The following MCAM variants were observed in gnomAD, a reference collection of about 807,000 sequenced individuals.
MCAM encodes cell surface glycoprotein MUC18.
In MCAM, 55 loss-of-function variants were observed where a neutral mutation model predicts 79.1. The observed-to-expected ratio is 0.70, with a 90% CI of 0.56 to 0.87. The LOEUF is 0.87. MCAM is among the 40% of genes least tolerant of loss of function. MCAM has a pLI of 0.00. For synonymous variants in MCAM, 330 were observed against 339.8 expected (o/e 0.97, Z 0.32); for missense variants, 745 against 839.8 (o/e 0.89, Z 1.40).
rs1393875190 is a variant in MCAM, at chr11:119,310,470, G to A, written c.1794-4C>T. ...CTTACGAGACGGGGGTAGCGTGCTG[G>A]GAGGAGGGAGGGAGGTGAGAGGTTG... On this transcript the variant is annotated splice_region_variant and splice_polypyrimidine_tract_variant and intron_variant, in intron 14 of 15. Transcript: ENST00000264036. 7.6e-6 allele frequency: 12 copies of A among 1,571,656 alleles called. No homozygotes were observed. Among genetic ancestry groups the A allele is most frequent in the Non-Finnish European group, 1.1e-5 (12 of 1,141,558 alleles).
chr11:119,310,901 T>C lies in MCAM; in HGVS notation c.1648A>G (p.Arg550Gly). The change falls in exon 14 of 16, where the codon AGA (arginine) becomes GGA (glycine). Residue 550 changes from arginine (R) to glycine (G), a missense_variant and splice_region_variant. Transcript: ENST00000264036. ...HTRANSTSTE[R>G]KLPEPESRGV... ...CGGCTCTCCGGCTCCGGCAGCTTTC[T>C]CTCTGCGCCACAAAGACACTCCTCG... 1.2e-6 allele frequency: 2 copies of C among 1,614,116 alleles called. No individual in the cohort carries two copies. Among genetic ancestry groups the C allele is most frequent in the Non-Finnish European group, 1.7e-6 (2 of 1,180,016 alleles).
Position 119,316,780 on chromosome 11 carries a change from C to A in MCAM, c.67+255G>T. 2.0e-6 allele frequency: 1 copy of A among 497,922 alleles called. No homozygotes were observed. Among genetic ancestry groups the A allele is most frequent in the African/African-American group, 2.1e-5 (1 of 48,238 alleles). 30.8% of individuals were successfully genotyped at this position (497,922 alleles called of 1,614,324 possible). ...CAGCACCCCGAAAGGCTGAGCTCCACCCCTTCTCGTTCCCAGAAGCAGCCT... is the reference window on the plus strand; with the variant it reads ...CAGCACCCCGAAAGGCTGAGCTCCAACCCTTCTCGTTCCCAGAAGCAGCCT... On this transcript the variant is annotated intron_variant, in intron 1 of 15. Coordinates refer to ENST00000264036, the MANE Select transcript of MCAM (RefSeq NM_006500.3). The surrounding 1 kb of genome is among the most constrained non-coding windows in gnomAD (Gnocchi z 4.8).
chr11:119,309,647 G>A lies in MCAM; in HGVS notation c.*239C>T. 1 of 546,906 alleles carries A rather than the reference G, an allele frequency of 1.8e-6. No homozygotes were observed. The highest frequency in any genetic ancestry group is 2.5e-5 in the South Asian group (1 of 40,178). The allele number at this position is 546,906 out of a possible 1,614,324, so 33.9% of individuals were successfully genotyped here. A position where few individuals can be genotyped will look rare whatever the true frequency, so the allele number is the denominator to read the frequency against. On this transcript the variant is annotated 3_prime_UTR_variant, in exon 16 of 16. Transcript: ENST00000264036. ...CCCGCTCGGGAGACTGGGGCTCCTT[G>A]CTTGGGATGAGCTTCACTCAACGTG...
chr11:119,317,076 G>A lies in MCAM; in HGVS notation c.26C>T (p.Ala9Val). The A allele has an allele frequency of 6.5e-7, 1 of 1,534,508 alleles. No homozygotes were observed. The highest frequency in any genetic ancestry group is 2.5e-5 in the East Asian group (1 of 40,130). Reference sequence around the variant, plus strand: ...GCAGCAGCAGGCGGCGAGCAAGAAGGCGCAGACCAGCCTGGGAAGCCCCAT... The same window carrying A: ...GCAGCAGCAGGCGGCGAGCAAGAAGACGCAGACCAGCCTGGGAAGCCCCAT... MGLPRLVC[A>V]FLLAACCCCP... Residue 9 changes from alanine to valine, a missense_variant, in exon 1 of 16, where the codon GCC (alanine) becomes GTC (valine). By Grantham distance (64) the Ala-to-Val change is moderately conservative (BLOSUM62 0). Coordinates refer to ENST00000264036, the MANE Select transcript of MCAM (RefSeq NM_006500.3). The surrounding 1 kb of genome is among the most constrained non-coding windows in gnomAD (Gnocchi z 6.2).
rs377133422 is a variant in MCAM at position 119,309,890 on chromosome 11, T to C, written c.1937A>G (p.His646Arg). ...DQGEKYIDLR[H>R] Reference sequence around the variant, plus strand: ...GGGAGCTGAAGTGATTCGGGGCTAATGCCTCAGATCGATGTATTTCTCTCC... The same window carrying C: ...GGGAGCTGAAGTGATTCGGGGCTAACGCCTCAGATCGATGTATTTCTCTCC... Residue 646 changes from histidine (H) to arginine (R), a missense_variant, in exon 16 of 16, where the codon CAT becomes CGT. Coordinates refer to ENST00000264036, the MANE Select transcript of MCAM (RefSeq NM_006500.3). 6 of 1,601,100 alleles carry C rather than the reference T, an allele frequency of 3.7e-6. No homozygotes were observed. The East Asian group carries it at 1.3e-4, about 36-fold the overall frequency.
In MCAM at chr11:119,315,482, A is replaced by T; in HGVS notation, c.68-219T>A. 1 of 583,764 alleles carries T rather than the reference A, an allele frequency of 1.7e-6. No homozygotes were observed. The highest frequency in any genetic ancestry group is 4.6e-4 in the Middle Eastern group (1 of 2,152). 36.2% of individuals were successfully genotyped at this position (583,764 alleles called of 1,614,324 possible). A position where few individuals can be genotyped will look rare whatever the true frequency, so the allele number is the denominator to read the frequency against. ...GGTCCTTGGAGCCAAGCAGAGATTGAGCAGAGACTGAGCACCGAACAGCTC... is the reference window on the plus strand; with the variant it reads ...GGTCCTTGGAGCCAAGCAGAGATTGTGCAGAGACTGAGCACCGAACAGCTC... On this transcript the variant is annotated intron_variant, in intron 1 of 15. Transcript: ENST00000264036. The surrounding 1 kb of genome is among the most constrained non-coding windows in gnomAD (Gnocchi z 4.4).
chr11:119,315,380 C>T lies in MCAM; in HGVS notation c.68-117G>A. 3 of 1,332,494 alleles carry T rather than the reference C, an allele frequency of 2.3e-6. No homozygotes were observed. The highest frequency in any genetic ancestry group is 3.1e-6 in the Non-Finnish European group (3 of 983,358). The allele number at this position is 1,332,494 out of a possible 1,614,324, so 82.5% of individuals were successfully genotyped here. ...CCACTCAGAGGGTCTGCAGAGGGCC[C>T]TGTCCTCTGAACGCTCTACCCCCAC... On this transcript the variant is annotated intron_variant, in intron 1 of 15. Coordinates refer to ENST00000264036, the MANE Select transcript of MCAM (RefSeq NM_006500.3). This position sits in a 1 kb window ranked among gnomAD's most constrained non-coding sequence, Gnocchi z 4.4.
chr11:119,315,153 C>A lies in MCAM; in HGVS notation c.178G>T (p.Val60Phe). The change falls in exon 2 of 16, where the codon GTC becomes TTC. Residue 60 changes from valine to phenylalanine, a missense_variant. Transcript: ENST00000264036. The surrounding 1 kb of genome is among the most constrained non-coding windows in gnomAD (Gnocchi z 4.4). ...CAAGCACTCACAGAAAACCAGTCGA[C>A]ATGGCTGAGGTTGCCTTGGGACTGG... ...LSQSQGNLSH[V>F]DWFSVHKEKR... 6.2e-7 allele frequency: 1 copy of A among 1,613,580 alleles called. No individual in the cohort carries two copies. The highest frequency in any genetic ancestry group is 8.5e-7 in the Non-Finnish European group (1 of 1,179,994).
intron 5 of MCAM, chr11:119,313,170 G>A (rs1273038561): frequency 6.6e-7 from 1 of 1,509,992 alleles, no homozygotes; most frequent in Admixed American, 2.0e-5. Flanking sequence ...CCAAGGATGT[G>A]TGCAAAGAAT....
At chr11:119,310,532 G>A in intron 14 of MCAM, 66 bp from the exon 15 acceptor site, 1 of 1,171,918 alleles carries the variant, frequency 8.5e-7, no homozygotes, top group Non-Finnish European at 1.3e-6. Context: ...GGCCCGCTGT[G>A]AAGGATGTGG....
In MCAM at chr11:119,311,554, G is replaced by C. The variant is rs1463293921; in HGVS notation, c.1383C>G (p.Thr461=). 7 of 1,613,996 alleles carry C rather than the reference G, an allele frequency of 4.3e-6. No homozygotes were observed. The highest frequency in any genetic ancestry group is 5.9e-6 in the Non-Finnish European group (7 of 1,180,026). Reference sequence around the variant, plus strand: ...CCGTGCCGTTGACGTTCCAGGAGATGGTGGGCCGGGGGTGCCCTGACGCTT... The same window carrying C: ...CCGTGCCGTTGACGTTCCAGGAGATCGTGGGCCGGGGGTGCCCTGACGCTT... ...SCEASGHPRP[T]ISWNVNGTAS... Residue 461 remains threonine, a synonymous_variant, in exon 11 of 16, where the codon ACC becomes ACG. Coordinates refer to ENST00000264036, the MANE Select transcript of MCAM (RefSeq NM_006500.3). This position sits in a 1 kb window ranked among gnomAD's most constrained non-coding sequence, Gnocchi z 4.4.
chr11:119,315,095 A>T lies in MCAM; in HGVS notation c.192+44T>A. 6.2e-7 allele frequency: 1 copy of T among 1,612,074 alleles called. No individual in the cohort carries two copies. The highest frequency in any genetic ancestry group is 1.1e-5 in the South Asian group (1 of 91,080). ...GGGTCCTGGGCTACAAGAGGGGCAG[A>T]GTCTCCCTCCCCGGGCTGCTCTTGC... On this transcript the variant is annotated intron_variant, in intron 2 of 15. Coordinates refer to ENST00000264036, the MANE Select transcript of MCAM (RefSeq NM_006500.3). This position sits in a 1 kb window ranked among gnomAD's most constrained non-coding sequence, Gnocchi z 4.4.
In MCAM at chr11:119,312,028, C is replaced by G. The variant is rs750173651; in HGVS notation, c.1143+24G>C. On this transcript the variant is annotated intron_variant, in intron 9 of 15. Coordinates refer to ENST00000264036, the MANE Select transcript of MCAM (RefSeq NM_006500.3). The surrounding 1 kb of genome is among the most constrained non-coding windows in gnomAD (Gnocchi z 4.9). Reference sequence around the variant, plus strand: ...CCAGCCCCACCCACCCCATCAGCCCCTTGCCCCAGACCCGCCTGGGTACCT... The same window carrying G: ...CCAGCCCCACCCACCCCATCAGCCCGTTGCCCCAGACCCGCCTGGGTACCT... 6.2e-7 allele frequency: 1 copy of G among 1,607,724 alleles called. No homozygotes were observed. The highest frequency in any genetic ancestry group is 8.5e-7 in the Non-Finnish European group (1 of 1,176,604).
chr11:119,309,760 AG>A lies in MCAM; in HGVS notation c.*125del. The A allele has an allele frequency of 2.0e-6, 2 of 998,978 alleles. No individual in the cohort carries two copies. Among genetic ancestry groups the A allele is most frequent in the Non-Finnish European group, 3.0e-6 (2 of 656,976 alleles). 61.9% of individuals were successfully genotyped at this position (998,978 alleles called of 1,614,324 possible). On this transcript the variant is annotated 3_prime_UTR_variant, in exon 16 of 16. Coordinates refer to ENST00000264036, the MANE Select transcript of MCAM (RefSeq NM_006500.3). ...GGTCCTAACCCAGTGGCCCTCTGAAAGGGGGTGTGCAGGCGAGGGGAGCAGG... is the reference window on the plus strand; with the variant it reads ...GGTCCTAACCCAGTGGCCCTCTGAAAGGGGTGTGCAGGCGAGGGGAGCAGG...
chr11:119,313,331 G>T lies in MCAM; in HGVS notation c.560-382C>A, dbSNP rs560157266. On this transcript the variant is annotated intron_variant, in intron 5 of 15. Transcript: ENST00000264036. Reference sequence around the variant, plus strand: ...ACTGACCCAGAAACATTGTATAAAAGAAATTGTCTAACAATGTATACCATA... The same window carrying T: ...ACTGACCCAGAAACATTGTATAAAATAAATTGTCTAACAATGTATACCATA... 2.7e-4 allele frequency: 348 copies of T among 1,300,038 alleles called. 2 individuals are homozygous for T. The African/African-American group carries it at 4.7e-3, about 18-fold the overall frequency. The allele number at this position is 1,300,038 out of a possible 1,614,324, so 80.5% of individuals were successfully genotyped here.
rs1363363613 is a variant in MCAM, at chr11:119,315,020, C to T, written c.213G>A (p.Thr71=). 8.1e-6 allele frequency: 13 copies of T among 1,608,316 alleles called. No homozygotes were observed. Among genetic ancestry groups the T allele is most frequent in the Non-Finnish European group, 1.1e-5 (13 of 1,179,974 alleles). ...DWFSVHKEKR[T]LIFRVRQGQG... ...GGCCCTGGCGCACACGGAAGATGAG[C>T]GTCCGCTTCTCCTTGTGGACCTAAT... is the stretch of plus-strand genomic sequence containing the variant. Residue 71 remains threonine, a synonymous_variant, in exon 3 of 16, where the codon ACG becomes ACA. Transcript: ENST00000264036. This position sits in a 1 kb window ranked among gnomAD's most constrained non-coding sequence, Gnocchi z 4.4.
At position 119,312,662 on chromosome 11, in the gene MCAM, G is replaced by C; in HGVS notation, c.740-14C>G. ...TTTCTGTCGGGTCTGCATAGGCAAA[G>C]GGGGTAGCTCTTGGCCCATGAGTCA... On this transcript the variant is annotated splice_polypyrimidine_tract_variant and intron_variant, in intron 6 of 15. Coordinates refer to ENST00000264036, the MANE Select transcript of MCAM (RefSeq NM_006500.3). The surrounding 1 kb of genome is among the most constrained non-coding windows in gnomAD (Gnocchi z 4.9). The C allele has an allele frequency of 1.2e-6, 2 of 1,614,124 alleles. No individual in the cohort carries two copies. The highest frequency in any genetic ancestry group is 1.3e-5 in the African/African-American group (1 of 74,982).
intron 5 of MCAM, chr11:119,313,185 C>A (rs2135342609): frequency 1.3e-6 from 2 of 1,491,464 alleles, no homozygotes; most frequent in Middle Eastern, 1.7e-4. Context: ...AAGAATGCTG[C>A]AATGATAAAA....
chr11:119,312,039 C>A lies in MCAM; in HGVS notation c.1143+13G>T. 2 of 1,591,342 alleles carry A rather than the reference C, an allele frequency of 1.3e-6. No homozygotes were observed. Among genetic ancestry groups the A allele is most frequent in the Non-Finnish European group, 8.6e-7 (1 of 1,162,880 alleles). On this transcript the variant is annotated intron_variant, in intron 9 of 15. Transcript: ENST00000264036. The surrounding 1 kb of genome is among the most constrained non-coding windows in gnomAD (Gnocchi z 4.9). ...CACCCCATCAGCCCCTTGCCCCAGA[C>A]CCGCCTGGGTACCTCTTCTCTCAGC... is the stretch of plus-strand genomic sequence containing the variant.
Sources: allele counts gnomAD v4.1 joint callset, GRCh38; gene constraint gnomAD v4.1.1; non-coding constraint Gnocchi (gnomAD v3.1); transcripts MANE v1.5; gene names NCBI Gene and HGNC (gene_info 2026-07-23, HGNC 2026-07-21).